The following TFDP2 variants were observed in gnomAD, a reference collection of about 807,000 sequenced individuals.
TFDP2 encodes the protein transcription factor Dp-2.
Under a neutral mutation model 59.3 loss-of-function variants are expected in TFDP2, and 17 were observed. The observed-to-expected ratio is 0.29, with a 90% CI of 0.20 to 0.43. TFDP2 has a LOEUF of 0.43. Ranked by LOEUF, TFDP2 falls within the 20% of genes least tolerant of loss-of-function variation. The pLI is 1.00. For synonymous variants in TFDP2, 180 were observed against 194.7 expected (o/e 0.92, Z 0.63); for missense variants, 391 against 528.8 (o/e 0.74, Z 2.56).
intron 3 of TFDP2, chr3:142,044,198 T>C (rs985599067): frequency 1.9e-5 from 7 of 372,476 alleles, no homozygotes; most frequent in Non-Finnish European, 3.0e-5. Context: ...AGCATACTCA[T>C]GGCTGCGGCG....
At chr3:142,115,672 T>G (rs1043042479) in intron 1 of TFDP2, among the ~76,000 whole-genome samples, 3 of 152,192 alleles carry the variant, frequency 2.0e-5, no homozygotes, top group African/African-American at 7.2e-5. Context: ...ACTTTTGTTG[T>G]TTTTAGTCTT....
intron 3 of TFDP2, among the ~76,000 whole-genome samples, chr3:142,052,273 C>A (rs1560090155): frequency 6.6e-6 from 1 of 152,096 alleles, no homozygotes; most frequent in African/African-American, 2.4e-5. Context: ...CGCGGTGGCT[C>A]ACGCCTATAA....
rs200649537 is a variant in TFDP2, at chr3:141,978,347, AAAC to A, written c.519+170_519+172del. ...GCGACAGAGTGAGGTTCCGCCTAAA[AAAC>A]AAAAAAAAAGGAATTCCCTCCAAAA... On this transcript the variant is annotated intron_variant, in intron 7 of 12. Transcript: ENST00000489671. Among the ~76,000 whole-genome samples the A allele has an allele frequency of 6.1e-3, 827 of 134,948 alleles. 15 individuals are homozygous for A. Among genetic ancestry groups the A allele is most frequent in the African/African-American group, 0.023 (780 of 34,144 alleles). The allele number at this position is 134,948 out of a possible 152,430, so 88.5% of individuals were successfully genotyped here. A position where few individuals can be genotyped will look rare whatever the true frequency, so the allele number is the denominator to read the frequency against.
Position 142,050,270 on chromosome 3 carries a change from A to T in TFDP2, c.82+42791T>A, listed in dbSNP as rs187072136. On this transcript the variant is annotated intron_variant, in intron 3 of 12. Coordinates refer to ENST00000489671, the MANE Select transcript of TFDP2 (RefSeq NM_001178139.2). Reference sequence around the variant, plus strand: ...CAGAGCAAGACTTCATCTCAAAAAAAAAAAAATAATAAAAAAAAAAGATCC... The same window carrying T: ...CAGAGCAAGACTTCATCTCAAAAAATAAAAAATAATAAAAAAAAAAGATCC... Among the ~76,000 whole-genome samples the T allele has an allele frequency of 4.7e-3, 712 of 150,424 alleles. 2 individuals carry two copies. The highest frequency in any genetic ancestry group is 0.011 in the African/African-American group (459 of 40,602).
intron 3 of TFDP2, among the ~76,000 whole-genome samples, chr3:142,068,308 C>T (rs908852496): frequency 6.6e-6 from 1 of 151,954 alleles, no homozygotes; most frequent in African/African-American, 2.4e-5. Flanking sequence ...ACATAAAATA[C>T]AAAACTATAA....
intron 1 of TFDP2, among the ~76,000 whole-genome samples, chr3:142,141,464 A>G (rs1238484033): frequency 1.3e-5 from 2 of 152,208 alleles, no homozygotes; most frequent in African/African-American, 4.8e-5. Context: ...TCACGCTGGG[A>G]GCTGCAGACT....
At chr3:142,104,716 C>A (rs1223140308) in intron 1 of TFDP2, among the ~76,000 whole-genome samples, 1 of 151,952 alleles carries the variant, frequency 6.6e-6, no homozygotes, top group Non-Finnish European at 1.5e-5. Context: ...TAAAATCCAG[C>A]AGAACTAGTA....
chr3:142,047,192 G>T (rs1176118038), intron 3 of TFDP2, among the ~76,000 whole-genome samples: 4 of 152,138 alleles, frequency 2.6e-5, no homozygotes, highest in African/African-American at 7.2e-5. Flanking sequence ...ACTGAGAAAA[G>T]AAAAGAACTT....
intron 3 of TFDP2, among the ~76,000 whole-genome samples, chr3:142,050,021 C>A (rs1947529589): frequency 6.6e-6 from 1 of 152,006 alleles, no homozygotes; most frequent in African/African-American, 2.4e-5. Flanking sequence ...GTAATCCCAG[C>A]ACTTTGGAAG....
chr3:142,088,002 A>T (rs918191477), intron 3 of TFDP2, among the ~76,000 whole-genome samples: 1 of 152,166 alleles, frequency 6.6e-6, no homozygotes, highest in African/African-American at 2.4e-5. Context: ...CTATACCCTG[A>T]TATACAGATT....
At chr3:142,044,443 C>T (rs1947221057) in intron 3 of TFDP2, among the ~76,000 whole-genome samples, 1 of 152,010 alleles carries the variant, frequency 6.6e-6, no homozygotes, top group African/African-American at 2.4e-5. Context: ...ATCATGTTGG[C>T]CAGGATGGTC....
At chr3:142,028,649 A>C (rs1560061134) in intron 3 of TFDP2, 1 of 985,280 alleles carries the variant, frequency 1.0e-6, no homozygotes, top group Non-Finnish European at 1.2e-6. Flanking sequence ...CATTCAGTGG[A>C]AACTTGAGAC....
chr3:142,088,239 A>C lies in TFDP2; in HGVS notation c.82+4822T>G, dbSNP rs372698201. 2.6e-5 allele frequency among the ~76,000 whole-genome samples: 4 copies of C among 152,280 alleles called. No homozygotes were observed. The East Asian group carries it at 7.7e-4, about 29-fold the overall frequency. ...CATTTCTTGCCACAAAACAATCTTTATATGTGTCTCACATCTATACTGTTT... is the reference window on the plus strand; with the variant it reads ...CATTTCTTGCCACAAAACAATCTTTCTATGTGTCTCACATCTATACTGTTT... On this transcript the variant is annotated intron_variant, in intron 3 of 12. Transcript: ENST00000489671.
chr3:141,996,002 C>T (rs950422251), intron 4 of TFDP2, among the ~76,000 whole-genome samples: 8 of 151,284 alleles, frequency 5.3e-5, no homozygotes, highest in African/African-American at 1.9e-4. Context: ...GATATATATG[C>T]ATTTTTAATT....
At chr3:141,960,143 C>A (rs1201360833) in intron 10 of TFDP2, among the ~76,000 whole-genome samples, 1 of 152,148 alleles carries the variant, frequency 6.6e-6, no homozygotes, top group African/African-American at 2.4e-5. Flanking sequence ...TCAAAGTTGC[C>A]TACAGCTTTG....
chr3:142,039,461 A>C (rs1946852048), intron 3 of TFDP2, among the ~76,000 whole-genome samples: 1 of 151,994 alleles, frequency 6.6e-6, no homozygotes, highest in South Asian at 2.1e-4. Flanking sequence ...ATCATGGCTC[A>C]CTGCAGCCTC....
intron 3 of TFDP2, among the ~76,000 whole-genome samples, chr3:142,087,829 T>C (rs2060854353): frequency 6.6e-6 from 1 of 152,198 alleles, no homozygotes; most frequent in African/African-American, 2.4e-5. Context: ...TACTGATTCA[T>C]TAAGTCGCAG....
chr3:142,108,215 CTT>C (rs571958978), intron 1 of TFDP2, among the ~76,000 whole-genome samples: 4 of 145,450 alleles, frequency 2.8e-5, no homozygotes, highest in Admixed American at 6.9e-5. Flanking sequence ...TTGCCTTTCT[CTT>C]TTTTTTTTTT....
intron 11 of TFDP2, among the ~76,000 whole-genome samples, chr3:141,957,609 C>CA (rs1480400819): frequency 2.0e-5 from 3 of 151,980 alleles, no homozygotes; most frequent in African/African-American, 7.2e-5. Context: ...GTGGTCCATC[C>CA]ATACAATGGA....
Sources: gnomAD v4.1 joint callset for allele counts (sites outside exome capture counted in the v4.1 genomes callset) on GRCh38, gnomAD v4.1.1 for gene constraint, MANE v1.5 for transcripts, NCBI Gene and HGNC (gene_info 2026-07-23, HGNC 2026-07-21) for gene names.